PTPN21: variants seen among roughly 807,000 people sequenced by gnomAD.
PTPN21 encodes tyrosine-protein phosphatase non-receptor type 21.
A neutral mutation model predicts 131.8 loss-of-function variants in PTPN21; 77 were observed. The observed-to-expected ratio is 0.58, with a 90% confidence interval of 0.49 to 0.71. PTPN21 has a LOEUF of 0.71. PTPN21 is among the 30% of genes least tolerant of loss of function. The pLI is 0.00. For missense variants in PTPN21, 1,552 were observed against 1,527.1 expected, an observed-to-expected ratio of 1.02 and a Z score of -0.27; for synonymous variants, 715 against 621.3, an observed-to-expected ratio of 1.15 and a Z score of -2.24.
chr14:88,495,003 A>T (rs2077884420), intron 10 of PTPN21, among the ~76,000 whole-genome samples: 1 of 107,352 alleles, frequency 9.3e-6, no homozygotes, highest in Admixed American at 1.6e-4. Context: ...ACAGAGCGAG[A>T]CTCTGTCTCC....
At chr14:88,500,721 A>G (rs2077994607) in intron 8 of PTPN21, 62 bp downstream of exon 8, 2 of 1,126,450 alleles carry the variant, frequency 1.8e-6, no homozygotes, top group African/African-American at 3.1e-5. Flanking sequence ...TGCTGTAAGT[A>G]CTAAAAAATG....
chr14:88,527,418 A>C (rs1232077229), intron 2 of PTPN21, among the ~76,000 whole-genome samples: 1 of 152,208 alleles, frequency 6.6e-6, no homozygotes, highest in African/African-American at 2.4e-5. Context: ...GATGTTGAAC[A>C]GTTTTCCATA....
At chr14:88,470,375 AGTATCTATG>A in intron 15 of PTPN21, 1 of 280,792 alleles carries the variant, frequency 3.6e-6, no homozygotes, top group East Asian at 8.6e-5. Flanking sequence ...GGACTGAGTC[AGTATCTATG>A]GTACCTGGCA....
At chr14:88,521,479 T>C (rs2078391116) in intron 2 of PTPN21, among the ~76,000 whole-genome samples, 1 of 151,768 alleles carries the variant, frequency 6.6e-6, no homozygotes, top group East Asian at 1.9e-4. Context: ...CTCAGCTCAC[T>C]GCAACCTCTG....
chr14:88,490,395 C>T (rs1566821626), intron 10 of PTPN21, among the ~76,000 whole-genome samples: 1 of 152,100 alleles, frequency 6.6e-6, no homozygotes, highest in Non-Finnish European at 1.5e-5. Flanking sequence ...TCGGCTCCAC[C>T]AGGGGTCCAT....
chr14:88,524,580 C>T (rs1048782191), intron 2 of PTPN21, among the ~76,000 whole-genome samples: 1 of 151,988 alleles, frequency 6.6e-6, no homozygotes, highest in Admixed American at 6.6e-5. Flanking sequence ...AAAACATGAG[C>T]AACAAAGAAA....
chr14:88,510,019 CAG>C lies in PTPN21; in HGVS notation c.351-2001_351-2000del, dbSNP rs147352434. Reference sequence around the variant, plus strand: ...CCATTGCACTCCAGCCTGGGCATCACAGAGAGAGTCTGTCTCAAAACAAAAAA... The same window carrying C: ...CCATTGCACTCCAGCCTGGGCATCACAGAGAGTCTGTCTCAAAACAAAAAA... On this transcript the variant is annotated intron_variant, in intron 3 of 18. Transcript: ENST00000556564. Among the ~76,000 whole-genome samples the C allele has an allele frequency of 9.0e-4, 137 of 152,276 alleles. 1 individual carries two copies. Among genetic ancestry groups the C allele is most frequent in the African/African-American group, 2.7e-3 (113 of 41,546 alleles).
intron 13 of PTPN21, among the ~76,000 whole-genome samples, chr14:88,478,207 T>C (rs747228743): frequency 6.6e-6 from 1 of 152,224 alleles, no homozygotes; most frequent in East Asian, 1.9e-4. Flanking sequence ...CTATGCTTTT[T>C]TATATTTTGC....
rs756799751 is a variant in PTPN21 at position 88,469,647 on chromosome 14, C to T, written c.3087G>A (p.Thr1029=). ...AGCCAGAGTCTGTGCGGAACCGGGT[C>T]GTGATCTTAAACCTTCCATAGGTGA... ...NTVTYGRFKI[T]TRFRTDSGCY... is the part of the protein sequence containing the mutation. Residue 1029 remains threonine, a synonymous_variant, in exon 17 of 19, where the codon ACG becomes ACA. Transcript: ENST00000556564. This position sits in a 1 kb window ranked among gnomAD's most constrained non-coding sequence, Gnocchi z 4.3. 7.4e-6 allele frequency: 12 copies of T among 1,614,120 alleles called. No individual in the cohort carries two copies. Among genetic ancestry groups the T allele is most frequent in the South Asian group, 6.6e-5 (6 of 91,064 alleles).
At chr14:88,539,907 T>C (rs1158909679) in intron 2 of PTPN21, among the ~76,000 whole-genome samples, 1 of 152,146 alleles carries the variant, frequency 6.6e-6, no homozygotes, top group African/African-American at 2.4e-5. Flanking sequence ...AAATTTGACT[T>C]CAAAATAGGT....
chr14:88,474,352 A>G (rs368512798), intron 13 of PTPN21, among the ~76,000 whole-genome samples: 1 of 151,802 alleles, frequency 6.6e-6, no homozygotes, highest in Non-Finnish European at 1.5e-5. Flanking sequence ...ACCATGCCCA[A>G]CTAATCTTTG....
At position 88,532,445 on chromosome 14, in the gene PTPN21, C is replaced by A. The variant is rs76355484; in HGVS notation, c.181-15184G>T. On this transcript the variant is annotated intron_variant, in intron 2 of 18. Transcript: ENST00000556564. ...TTCTATTTTCTAATATCTATACTTA[C>A]GTCAAGATTTTGTGCCGTTTGACAG... Among the ~76,000 whole-genome samples the A allele has an allele frequency of 2.0e-3, 301 of 152,222 alleles. 4 individuals carry two copies. Among genetic ancestry groups the A allele is most frequent in the African/African-American group, 6.9e-3 (287 of 41,538 alleles).
rs1241582955 is a variant in PTPN21 at position 88,479,215 on chromosome 14, A to G, written c.2216T>C (p.Leu739Pro). 7 of 1,597,398 alleles carry G rather than the reference A, an allele frequency of 4.4e-6. No homozygotes were observed. The South Asian group carries it at 6.8e-5, about 15-fold the overall frequency. Residue 739 changes from leucine to proline, a missense_variant, in exon 13 of 19, where the codon CTG (leucine) becomes CCG (proline). This residue lies in a region of PTPN21 where 1,016 missense variants were observed against 883.5 expected (regional missense o/e 1.15). Transcript: ENST00000556564. ...PARAREPRPGLAQDPPGCPRV... is the reference protein window; with the variant it reads ...PARAREPRPGPAQDPPGCPRV... Reference sequence around the variant, plus strand: ...AGGGCAGCCAGGTGGGTCCTGGGCCAGGCCGGGCCGAGGCTCGCGCGCACG... The same window carrying G: ...AGGGCAGCCAGGTGGGTCCTGGGCCGGGCCGGGCCGAGGCTCGCGCGCACG...
intron 2 of PTPN21, among the ~76,000 whole-genome samples, chr14:88,521,208 T>G (rs765125585): frequency 1.3e-5 from 2 of 152,144 alleles, no homozygotes; most frequent in African/African-American, 4.8e-5. Context: ...ACAAAATCAA[T>G]TACTGACTCC....
intron 10 of PTPN21, among the ~76,000 whole-genome samples, chr14:88,495,654 C>T (rs948362705): frequency 3.3e-5 from 5 of 152,082 alleles, no homozygotes; most frequent in African/African-American, 1.2e-4. Flanking sequence ...GGCCTCAGGA[C>T]CAAACCAGCA....
intron 3 of PTPN21, among the ~76,000 whole-genome samples, chr14:88,509,691 G>A (rs1378213550): frequency 2.0e-5 from 3 of 152,162 alleles, no homozygotes; most frequent in Non-Finnish European, 4.4e-5. Context: ...TATTGAACAT[G>A]CTATTCACAT....
intron 2 of PTPN21, among the ~76,000 whole-genome samples, chr14:88,548,025 A>T (rs896511431): frequency 3.3e-5 from 5 of 152,028 alleles, no homozygotes; most frequent in African/African-American, 1.2e-4. Context: ...ACTTCCTTTC[A>T]CATTTCCTCT....
At chr14:88,533,213 TTC>T (rs1352622898) in intron 2 of PTPN21, among the ~76,000 whole-genome samples, 1 of 152,204 alleles carries the variant, frequency 6.6e-6, no homozygotes, top group Non-Finnish European at 1.5e-5. Flanking sequence ...CTGTTTCCAT[TTC>T]TGTTTTGGTA....
rs771586444 is a variant in PTPN21 at position 88,550,223 on chromosome 14, CTT to C, written c.180+13_180+14del. ...GCCACCCGCGCCTGGCCTGCAGTGT[CTT>C]TAGGTGGCTTACCTCCCGCAGCTCC... On this transcript the variant is annotated intron_variant, in intron 2 of 18. Transcript: ENST00000556564. The C allele has an allele frequency of 2.5e-6, 4 of 1,610,920 alleles. No individual in the cohort carries two copies. In the East Asian group the frequency reaches 8.9e-5, roughly 36 times the overall value.
Sources: allele counts gnomAD v4.1 joint callset (sites outside exome capture counted in the v4.1 genomes callset), GRCh38; gene constraint gnomAD v4.1.1; regional missense constraint gnomAD v4.1.1; non-coding constraint Gnocchi (gnomAD v3.1); transcripts MANE v1.5; gene names NCBI Gene and HGNC (gene_info 2026-07-23, HGNC 2026-07-21).